KCTD19: variants seen among roughly 807,000 people sequenced by gnomAD.
KCTD19 encodes the protein potassium channel tetramerization domain containing 19, also known as BTB/POZ domain-containing protein KCTD19.
KCTD19 carries 67 observed loss-of-function variants against 103.5 expected under a neutral mutation model. The observed-to-expected ratio is 0.65, with a 90% CI of 0.53 to 0.79. The LOEUF (loss-of-function observed/expected upper bound fraction) is 0.79. KCTD19 is among the 30% of genes least tolerant of loss of function. KCTD19 has a pLI of 0.00. For synonymous variants in KCTD19, 439 were observed against 452.2 expected (o/e 0.97, Z 0.37); for missense variants, 980 against 1,136.1 (o/e 0.86, Z 1.98).
In KCTD19 at chr16:67,292,699, AG is replaced by A. The variant is rs2036713788; in HGVS notation, c.2218+844del. Among the ~76,000 whole-genome samples, 3 of 152,246 alleles carry A rather than the reference AG, an allele frequency of 2.0e-5. No homozygotes were observed. The South Asian group carries it at 6.2e-4, about 32-fold the overall frequency. ...GCAGCATCCTGGCACAGCGATTTTC[AG>A]CACAGTTCCCTGGCCACCTTCCCTT... is the stretch of plus-strand genomic sequence containing the variant. On this transcript the variant is annotated intron_variant, in intron 12 of 15. Coordinates refer to ENST00000304372, the MANE Select transcript of KCTD19 (RefSeq NM_001100915.3).
At chr16:67,314,412 AC>A (rs1483330329) in intron 2 of KCTD19, among the ~76,000 whole-genome samples, 1 of 151,940 alleles carries the variant, frequency 6.6e-6, no homozygotes, top group Non-Finnish European at 1.5e-5. Context: ...GAAACCCTGT[AC>A]CCAATAACAG....
At chr16:67,321,431 T>A (rs990529256) in intron 1 of KCTD19, among the ~76,000 whole-genome samples, 10 of 152,080 alleles carry the variant, frequency 6.6e-5, no homozygotes, top group Non-Finnish European at 1.5e-4. Flanking sequence ...CCTAAATAAA[T>A]GAAAAAATAT....
At position 67,295,416 on chromosome 16, in the gene KCTD19, T is replaced by C; in HGVS notation, c.1249-11A>G. On this transcript the variant is annotated splice_polypyrimidine_tract_variant and intron_variant, in intron 8 of 15. Transcript: ENST00000304372. ...CAGCAGTTCTGGATACTGGAGGGGG[T>C]TGGACACCGGACTCAGTCTCAGAGG... The C allele has an allele frequency of 1.2e-6, 2 of 1,606,724 alleles. No individual in the cohort carries two copies. Among genetic ancestry groups the C allele is most frequent in the Non-Finnish European group, 8.5e-7 (1 of 1,174,864 alleles).
At chr16:67,299,743 T>G in intron 5 of KCTD19, 170 bp from the exon 6 acceptor site, 2 of 601,928 alleles carry the variant, frequency 3.3e-6, no homozygotes, top group Middle Eastern at 2.6e-4. Flanking sequence ...TATAATTTTT[T>G]TGTATACTCA....
chr16:67,308,554 C>G (rs2036918087), intron 2 of KCTD19, among the ~76,000 whole-genome samples: 1 of 152,134 alleles, frequency 6.6e-6, no homozygotes, highest in Non-Finnish European at 1.5e-5. Context: ...TCCAAAAACA[C>G]ATCACGTTCT....
rs188982539 is a variant in KCTD19, at chr16:67,314,905, G to T, written c.300+5684C>A. On this transcript the variant is annotated intron_variant, in intron 2 of 15. Transcript: ENST00000304372. ...GGGTCTTGCTTTGTCACCCAGGCTG[G>T]AACACAGTGGTGCAAACACAGTTCA... Among the ~76,000 whole-genome samples, 166 of 138,036 alleles carry T rather than the reference G, an allele frequency of 1.2e-3. No homozygotes were observed. In the Middle Eastern group the frequency reaches 0.022, roughly 18 times the overall value. The allele number at this position is 138,036 out of a possible 152,430, so 90.6% of individuals were successfully genotyped here.
At position 67,291,757 on chromosome 16, in the gene KCTD19, G is replaced by A. The variant is rs566969405; in HGVS notation, c.2299C>T (p.Pro767Ser). The change falls in exon 13 of 16, where the codon CCC (proline) becomes TCC (serine). Residue 767 changes from proline (P) to serine (S), a missense_variant. Coordinates refer to ENST00000304372, the MANE Select transcript of KCTD19 (RefSeq NM_001100915.3). ...LGVILKVTHP[P>S]VVGSDGFCMF... Reference sequence around the variant, plus strand: ...CAGAAGCCATCGCTGCCCACCACGGGGGGGTGAGTCACTTTGAGGATAACC... The same window carrying A: ...CAGAAGCCATCGCTGCCCACCACGGAGGGGTGAGTCACTTTGAGGATAACC... The A allele has an allele frequency of 4.3e-6, 7 of 1,614,114 alleles. No individual in the cohort carries two copies. The highest frequency in any genetic ancestry group is 1.7e-5 in the Admixed American group (1 of 60,024).
chr16:67,310,160 C>G (rs940475583), intron 2 of KCTD19, among the ~76,000 whole-genome samples: 7 of 152,182 alleles, frequency 4.6e-5, no homozygotes, highest in Non-Finnish European at 1.0e-4. Context: ...TATAAGAAAT[C>G]ACAGAAACCA....
chr16:67,296,313 G>T (rs2036764689), intron 7 of KCTD19, 54 bp from the exon 8 acceptor site: 6 of 1,114,178 alleles, frequency 5.4e-6, no homozygotes, highest in Non-Finnish European at 8.3e-6. Flanking sequence ...AGGGAAAGCA[G>T]GTAGGGCCCT....
At position 67,303,377 on chromosome 16, in the gene KCTD19, A is replaced by G. The variant is rs1406655126; in HGVS notation, c.452-40T>C. The G allele has an allele frequency of 6.5e-7, 1 of 1,549,588 alleles. No homozygotes were observed. On this transcript the variant is annotated intron_variant, in intron 3 of 15. Coordinates refer to ENST00000304372, the MANE Select transcript of KCTD19 (RefSeq NM_001100915.3). The surrounding 1 kb of genome is among the most constrained non-coding windows in gnomAD (Gnocchi z 4.3). ...GCAGGCAGTGTTGCCACCTCTCAGAAGCCAGGGATCTGATTCCAGCAGGGC... is the reference window on the plus strand; with the variant it reads ...GCAGGCAGTGTTGCCACCTCTCAGAGGCCAGGGATCTGATTCCAGCAGGGC...
Position 67,303,736 on chromosome 16 carries a change from C to CG in KCTD19, c.452-400dup, listed in dbSNP as rs536354352. Among the ~76,000 whole-genome samples, 314 of 152,112 alleles carry CG rather than the reference C, an allele frequency of 2.1e-3. 5 individuals carry two copies. Among genetic ancestry groups the CG allele is most frequent in the Non-Finnish European group, 2.1e-4 (14 of 67,990 alleles). On this transcript the variant is annotated intron_variant, in intron 3 of 15. Transcript: ENST00000304372. This position sits in a 1 kb window ranked among gnomAD's most constrained non-coding sequence, Gnocchi z 4.3. ...CTAATTTTTGTGTTTTCAGTAGAGA[C>CG]GGGGTTTCACCATGTTGTCAGGCTG...
Position 67,303,609 on chromosome 16 carries a change from G to A in KCTD19, c.452-272C>T, listed in dbSNP as rs987835243. 1.3e-5 allele frequency among the ~76,000 whole-genome samples: 2 copies of A among 152,018 alleles called. No individual in the cohort carries two copies. Among genetic ancestry groups the A allele is most frequent in the African/African-American group, 4.8e-5 (2 of 41,374 alleles). The stretch of plus-strand genomic sequence containing the variant: ...GTTGCCCAGGCTGGAATTCAGTGGT[G>A]CCATCTTGGCTCACTGCAACCTCTG... On this transcript the variant is annotated intron_variant, in intron 3 of 15. Transcript: ENST00000304372. This position sits in a 1 kb window ranked among gnomAD's most constrained non-coding sequence, Gnocchi z 4.3.
Position 67,299,573 on chromosome 16 carries a change from C to T in KCTD19, c.776G>A (p.Gly259Asp). The T allele has an allele frequency of 6.2e-7, 1 of 1,610,398 alleles. No homozygotes were observed. Among genetic ancestry groups the T allele is most frequent in the African/African-American group, 1.3e-5 (1 of 75,008 alleles). Residue 259 changes from glycine to aspartate, a missense_variant and splice_region_variant, in exon 6 of 16, where the codon GGT becomes GAT. Gly to Asp is a moderately conservative substitution (Grantham distance 94, BLOSUM62 -1). Coordinates refer to ENST00000304372, the MANE Select transcript of KCTD19 (RefSeq NM_001100915.3). Reference protein sequence around the residue: ...EAVRWYRMNMGGCSPTTCSPL... With the variant: ...EAVRWYRMNMDGCSPTTCSPL... ...AGAACAGGTGGTCGGGGAACAGCCACCTGTGTCAGAGAGAAAGGGGTGACT... is the reference window on the plus strand; with the variant it reads ...AGAACAGGTGGTCGGGGAACAGCCATCTGTGTCAGAGAGAAAGGGGTGACT...
chr16:67,290,788 TG>T, intron 15 of KCTD19, 96 bp downstream of exon 15: 1 of 1,107,186 alleles, frequency 9.0e-7, no homozygotes, highest in Non-Finnish European at 1.3e-6. Context: ...TCTAGCCTTC[TG>T]GGCAGTGCTG....
intron 2 of KCTD19, among the ~76,000 whole-genome samples, chr16:67,317,515 G>A (rs781550355): frequency 6.6e-6 from 1 of 151,828 alleles, no homozygotes; most frequent in Non-Finnish European, 1.5e-5. Context: ...GTGACAGTCT[G>A]AATCTGAGAT....
chr16:67,296,742 A>G (rs929371846), intron 7 of KCTD19, among the ~76,000 whole-genome samples: 3 of 152,150 alleles, frequency 2.0e-5, no homozygotes, highest in Admixed American at 2.0e-4. Flanking sequence ...GGAAAGATGA[A>G]CCCATAACCC....
Position 67,293,596 on chromosome 16 carries a change from TG to T in KCTD19, c.2165del (p.Pro722GlnfsTer7), listed in dbSNP as rs1485612354. On this transcript the variant is annotated frameshift_variant, in exon 12 of 16. Transcript: ENST00000304372. LOFTEE classifies it high-confidence loss of function. The surrounding 1 kb of genome is among the most constrained non-coding windows in gnomAD (Gnocchi z 4.0). ...PEPTFKPYLP[P>X]KRAGTLKDWS... Reference sequence around the variant, plus strand: ...AGTCCTTCAGGGTGCCAGCTCTTTTTGGGGGTAAGTATGGCTTGAAGGTTGG... The same window carrying T: ...AGTCCTTCAGGGTGCCAGCTCTTTTTGGGGTAAGTATGGCTTGAAGGTTGG... 6.2e-7 allele frequency: 1 copy of T among 1,613,648 alleles called. No individual in the cohort carries two copies. The highest frequency in any genetic ancestry group is 1.1e-5 in the South Asian group (1 of 90,738).
intron 2 of KCTD19, chr16:67,305,709 C>T (rs2036885230): frequency 9.8e-6 from 4 of 407,628 alleles, no homozygotes; most frequent in South Asian, 5.2e-5. Flanking sequence ...AATAAATTTC[C>T]GGATATAGCA....
chr16:67,323,167 T>TTA lies in KCTD19; in HGVS notation c.4-2284_4-2283dup, dbSNP rs761609883. On this transcript the variant is annotated intron_variant, in intron 1 of 15. Coordinates refer to ENST00000304372, the MANE Select transcript of KCTD19 (RefSeq NM_001100915.3). This position sits in a 1 kb window ranked among gnomAD's most constrained non-coding sequence, Gnocchi z 4.1. Reference sequence around the variant, plus strand: ...GGTCCTGAAAATGTAAAGCATGGAGTTATTCTACTATGAGCCAGCAATTCC... The same window carrying TTA: ...GGTCCTGAAAATGTAAAGCATGGAGTTATATTCTACTATGAGCCAGCAATTCC... 7.9e-5 allele frequency among the ~76,000 whole-genome samples: 12 copies of TTA among 151,976 alleles called. No individual in the cohort carries two copies. Among genetic ancestry groups the TTA allele is most frequent in the Non-Finnish European group, 1.5e-4 (10 of 67,988 alleles).
Sources: allele counts gnomAD v4.1 joint callset (sites outside exome capture counted in the v4.1 genomes callset), GRCh38; gene constraint gnomAD v4.1.1; non-coding constraint Gnocchi (gnomAD v3.1); transcripts MANE v1.5; gene names NCBI Gene and HGNC (gene_info 2026-07-23, HGNC 2026-07-21).